TBC1D23: variants seen among roughly 807,000 people sequenced by gnomAD.
The protein encoded by TBC1D23 is TBC1 domain family member 23.
A neutral mutation model predicts 91.4 loss-of-function variants in TBC1D23; 55 were observed. The observed-to-expected ratio is 0.60, with a 90% CI of 0.48 to 0.75. The LOEUF is 0.75. TBC1D23 is among the 30% of genes least tolerant of loss of function. The probability of loss-of-function intolerance (pLI) is 0.00; values close to 1 mark genes in which losing one functional copy is unlikely to be tolerated. For missense variants in TBC1D23, 725 were observed against 836.1 expected, an observed-to-expected ratio of 0.87 and a Z score of 1.64; for synonymous variants, 289 against 281.0, an observed-to-expected ratio of 1.03 and a Z score of -0.28.
At chr3:100,286,501 C>CTTTTTTTTTTTTTTTTTTTTTTTTTT (rs11370481) in intron 4 of TBC1D23, among the ~76,000 whole-genome samples, 1 of 146,364 alleles carries the variant, frequency 6.8e-6, no homozygotes, top group Non-Finnish European at 1.5e-5. Context: ...AACATATCTT[C>CTTTTTTTTTTTTTTTTTTTTTTTTTT]TTTTTTTTTT....
chr3:100,261,951 T>G (rs949603673), intron 1 of TBC1D23, among the ~76,000 whole-genome samples: 2 of 152,232 alleles, frequency 1.3e-5, no homozygotes, highest in Non-Finnish European at 2.9e-5. Flanking sequence ...GATTTGCTTG[T>G]TCGTTATATT....
At chr3:100,263,695 G>C (rs1358525647) in intron 1 of TBC1D23, among the ~76,000 whole-genome samples, 2 of 152,198 alleles carry the variant, frequency 1.3e-5, no homozygotes, top group Non-Finnish European at 2.9e-5. Flanking sequence ...AAGTGACCTA[G>C]CTGGTTATAG....
At chr3:100,292,277 T>C (rs2067798326) in intron 5 of TBC1D23, among the ~76,000 whole-genome samples, 1 of 152,198 alleles carries the variant, frequency 6.6e-6, no homozygotes, top group Admixed American at 6.5e-5. Context: ...TCTGGTTAAC[T>C]TGAGATCTTT....
intron 5 of TBC1D23, among the ~76,000 whole-genome samples, chr3:100,294,647 TACC>T (rs1385811227): frequency 6.6e-6 from 1 of 152,200 alleles, no homozygotes; most frequent in Admixed American, 6.5e-5. Flanking sequence ...GCTCTTAAAT[TACC>T]ACGTTTGATC....
At position 100,283,473 on chromosome 3, in the gene TBC1D23, T is replaced by C. The variant is rs569070266; in HGVS notation, c.272-134T>C. On this transcript the variant is annotated intron_variant, in intron 3 of 18. Coordinates refer to ENST00000394144, the MANE Select transcript of TBC1D23 (RefSeq NM_001199198.3). ...GTTAAAATAAGTATAAGGGAAAATA[T>C]ACTTTCATGTAGTTTCACTTTGTCT... 3.3e-5 allele frequency: 20 copies of C among 613,848 alleles called. No homozygotes were observed. In the South Asian group the frequency reaches 4.5e-4, roughly 14 times the overall value. The allele number at this position is 613,848 out of a possible 1,614,324, so 38.0% of individuals were successfully genotyped here. A position where few individuals can be genotyped will look rare whatever the true frequency, so the allele number is the denominator to read the frequency against.
chr3:100,263,300 A>G (rs1184584886), intron 1 of TBC1D23, among the ~76,000 whole-genome samples: 1 of 152,208 alleles, frequency 6.6e-6, no homozygotes, highest in East Asian at 1.9e-4. Context: ...AGGACCGGCC[A>G]TTTACACTTC....
At chr3:100,315,493 C>T (rs541739920) in intron 15 of TBC1D23, among the ~76,000 whole-genome samples, 1 of 152,214 alleles carries the variant, frequency 6.6e-6, no homozygotes, top group South Asian at 2.1e-4. Flanking sequence ...CTTATATTTA[C>T]ACAACAAAAG....
intron 5 of TBC1D23, among the ~76,000 whole-genome samples, chr3:100,293,326 G>A (rs931702371): frequency 6.6e-6 from 1 of 151,862 alleles, no homozygotes; most frequent in African/African-American, 2.4e-5. Context: ...TTAGAGATGG[G>A]ATTTCACCAT....
chr3:100,323,530 T>G, intron 18 of TBC1D23, 57 bp from the exon 19 acceptor site: 1 of 863,664 alleles, frequency 1.2e-6, no homozygotes, highest in Non-Finnish European at 1.6e-6. Flanking sequence ...TGTATTTTTA[T>G]ATACATATAC....
chr3:100,293,402 GGATTACAGGCGT>G (rs1401779024), intron 5 of TBC1D23, among the ~76,000 whole-genome samples: 1 of 152,150 alleles, frequency 6.6e-6, no homozygotes, highest in Non-Finnish European at 1.5e-5. Context: ...CAAAGTGCTG[GGATTACAGGCGT>G]GAGCCACTGT....
intron 18 of TBC1D23, among the ~76,000 whole-genome samples, chr3:100,321,179 C>G (rs1705852221): frequency 6.6e-6 from 1 of 152,146 alleles, no homozygotes; most frequent in African/African-American, 2.4e-5. Flanking sequence ...AGTGCCATAG[C>G]TAATTTCATA....
intron 4 of TBC1D23, 104 bp from the exon 5 acceptor site, chr3:100,290,473 AG>A: frequency 1.0e-6 from 1 of 966,510 alleles, no homozygotes; most frequent in South Asian, 1.6e-5. Flanking sequence ...ACTGTCAGGT[AG>A]GCTTCCAGTG....
rs1576193071 is a variant in TBC1D23, at chr3:100,325,020, T to C, written c.*1352T>C. ...AACAGTTTGAGTGGTTGAAGACATC[T>C]GCATGAAATTGCACCTAGGTGCATT... On this transcript the variant is annotated 3_prime_UTR_variant, in exon 19 of 19. Coordinates refer to ENST00000394144, the MANE Select transcript of TBC1D23 (RefSeq NM_001199198.3). 2 of 152,232 alleles carry C rather than the reference T, an allele frequency of 1.3e-5. No homozygotes were observed. Among genetic ancestry groups the C allele is most frequent in the East Asian group, 3.8e-4 (2 of 5,202 alleles). 9.4% of individuals were successfully genotyped at this position (152,232 alleles called of 1,614,324 possible).
At position 100,308,344 on chromosome 3, in the gene TBC1D23, A is replaced by G. The variant is rs527289744; in HGVS notation, c.1413+1801A>G. On this transcript the variant is annotated intron_variant, in intron 13 of 18. Coordinates refer to ENST00000394144, the MANE Select transcript of TBC1D23 (RefSeq NM_001199198.3). The stretch of plus-strand genomic sequence containing the variant: ...CAAAAAAATAGCCGGGCGTGGTGGC[A>G]GGCGCCTGTAGTCCCAGCTGCTCGG... 6.1e-4 allele frequency among the ~76,000 whole-genome samples: 93 copies of G among 152,038 alleles called. 1 individual carries two copies. The highest frequency in any genetic ancestry group is 1.0e-3 in the African/African-American group (42 of 41,496).
At position 100,302,190 on chromosome 3, in the gene TBC1D23, G is replaced by A. The variant is rs774509151; in HGVS notation, c.1216G>A (p.Glu406Lys). The change falls in exon 11 of 19, where the codon GAG (glutamate) becomes AAG (lysine). Residue 406 changes from glutamate to lysine, a missense_variant. Coordinates refer to ENST00000394144, the MANE Select transcript of TBC1D23 (RefSeq NM_001199198.3). ...CCTCTGTTTTATGGGCAGTGGCAGG[G>A]AGGAAGAAGACATGTATATGAACAT... Reference protein sequence around the residue: ...EHLCFMGSGREEEDMYMNMVL... With the variant: ...EHLCFMGSGRKEEDMYMNMVL... 2.5e-6 allele frequency: 4 copies of A among 1,614,026 alleles called. No individual in the cohort carries two copies. Among genetic ancestry groups the A allele is most frequent in the Non-Finnish European group, 3.4e-6 (4 of 1,179,954 alleles).
rs1286400057 is a variant in TBC1D23 at position 100,320,774 on chromosome 3, A to G, written c.1824-3A>G. 6.9e-7 allele frequency: 1 copy of G among 1,452,790 alleles called. No individual in the cohort carries two copies. The highest frequency in any genetic ancestry group is 1.4e-5 in the African/African-American group (1 of 69,108). The allele number at this position is 1,452,790 out of a possible 1,614,324, so 90.0% of individuals were successfully genotyped here. On this transcript the variant is annotated splice_region_variant and splice_polypyrimidine_tract_variant and intron_variant, in intron 17 of 18. Coordinates refer to ENST00000394144, the MANE Select transcript of TBC1D23 (RefSeq NM_001199198.3). ...TTTCTTTTAATGCTTTTTTTGTCTCAAGTCATCTGTTGGTTACTGCAACAC... is the reference window on the plus strand; with the variant it reads ...TTTCTTTTAATGCTTTTTTTGTCTCGAGTCATCTGTTGGTTACTGCAACAC...
intron 1 of TBC1D23, among the ~76,000 whole-genome samples, chr3:100,273,219 ACG>A (rs2067615865): frequency 1.3e-5 from 2 of 152,186 alleles, no homozygotes; most frequent in Non-Finnish European, 2.9e-5. Flanking sequence ...ATGACTGTTA[ACG>A]AGCATGCTGC....
chr3:100,272,184 G>A (rs1213092028), intron 1 of TBC1D23, among the ~76,000 whole-genome samples: 2 of 152,182 alleles, frequency 1.3e-5, no homozygotes, highest in African/African-American at 2.4e-5. Flanking sequence ...TCAGCTATAA[G>A]TTGAACTTGT....
Position 100,261,084 on chromosome 3 carries a change from CG to C in TBC1D23, c.53+17del. Reference sequence around the variant, plus strand: ...GCGGCGACGGCTGGTGAGTGAAAGCCGGGGCTAATTTCCAATGCCCCTTTAT... The same window carrying C: ...GCGGCGACGGCTGGTGAGTGAAAGCCGGGCTAATTTCCAATGCCCCTTTAT... On this transcript the variant is annotated intron_variant, in intron 1 of 18. Coordinates refer to ENST00000394144, the MANE Select transcript of TBC1D23 (RefSeq NM_001199198.3). 6.2e-7 allele frequency: 1 copy of C among 1,612,172 alleles called. No individual in the cohort carries two copies. Among genetic ancestry groups the C allele is most frequent in the Non-Finnish European group, 8.5e-7 (1 of 1,178,342 alleles).
Sources: allele counts gnomAD v4.1 joint callset (sites outside exome capture counted in the v4.1 genomes callset), GRCh38; gene constraint gnomAD v4.1.1; transcripts MANE v1.5; gene names NCBI Gene and HGNC (gene_info 2026-07-23, HGNC 2026-07-21).